The following CRPPA variants were observed in gnomAD, a reference collection of about 807,000 sequenced individuals.
CRPPA encodes the protein D-ribitol-5-phosphate cytidylyltransferase.
In CRPPA, 43 loss-of-function variants were observed where a neutral mutation model predicts 52.0. The ratio of observed to expected loss-of-function variants is 0.83; its 90% CI spans 0.65 to 1.07. The LOEUF is 1.07. Ranked by LOEUF, CRPPA falls within the 50% of genes least tolerant of loss-of-function variation. CRPPA has a pLI of 0.00. For synonymous variants in CRPPA, 250 were observed against 203.5 expected (o/e 1.23, Z -1.94); for missense variants, 629 against 551.7 (o/e 1.14, Z -1.40).
chr7:16,283,039 C>G (rs767560138), intron 5 of CRPPA, among the ~76,000 whole-genome samples: 10 of 151,952 alleles, frequency 6.6e-5, no homozygotes, highest in African/African-American at 1.2e-4. Flanking sequence ...TAGTGCACAT[C>G]AAACAAGATA....
chr7:16,124,392 A>G (rs1782536258), intron 9 of CRPPA, among the ~76,000 whole-genome samples: 1 of 152,174 alleles, frequency 6.6e-6, no homozygotes, highest in African/African-American at 2.4e-5. Flanking sequence ...ATGGGATACT[A>G]TTTAGCCATA....
At chr7:16,286,036 AAAATATAAATATATATATATAT>A (rs1784425552) in intron 5 of CRPPA, among the ~76,000 whole-genome samples, 2 of 18,814 alleles carry the variant, frequency 1.1e-4, no homozygotes, top group African/African-American at 7.8e-4. Flanking sequence ...AAAAAAAAAA[AAAATATAAATATATATATATAT>A]ATATATATAT....
intron 9 of CRPPA, among the ~76,000 whole-genome samples, chr7:16,143,018 G>A (rs1043809745): frequency 6.6e-5 from 10 of 152,158 alleles, no homozygotes; most frequent in African/African-American, 2.4e-4. Flanking sequence ...GCTCACAGTT[G>A]ACAATGTTGG....
intron 9 of CRPPA, among the ~76,000 whole-genome samples, chr7:16,162,552 T>G (rs1389407038): frequency 1.3e-5 from 2 of 152,222 alleles, no homozygotes; most frequent in South Asian, 4.1e-4. Flanking sequence ...TTGTTTGTTA[T>G]GATTTCCATT....
Position 16,376,190 on chromosome 7 carries a change from C to G in CRPPA, c.586G>C (p.Asp196His), listed in dbSNP as rs765655372. 1 of 1,613,418 alleles carries G rather than the reference C, an allele frequency of 6.2e-7. No homozygotes were observed. The highest frequency in any genetic ancestry group is 8.5e-7 in the Non-Finnish European group (1 of 1,179,618). ...TCTAGCGAGTAGTCTAAGCAACCAT[C>G]AGCAGATGGACTGACGACAGTAGAT... ...LVSTVVSPSADGCLDYSLERA... is the reference protein window; with the variant it reads ...LVSTVVSPSAHGCLDYSLERA... The change falls in exon 3 of 10, where the codon GAT (aspartate) becomes CAT (histidine). Residue 196 changes from aspartate to histidine, a missense_variant. Physicochemically the swap from Asp to His is moderately conservative, Grantham distance 81. Coordinates refer to ENST00000407010, the MANE Select transcript of CRPPA (RefSeq NM_001101426.4).
chr7:16,409,927 T>C (rs1050814176), intron 1 of CRPPA, among the ~76,000 whole-genome samples: 3 of 152,184 alleles, frequency 2.0e-5, no homozygotes, highest in Admixed American at 6.5e-5. Flanking sequence ...GGGTGCTCAG[T>C]ACATTATTTG....
At chr7:16,416,195 C>A (rs902776950) in intron 1 of CRPPA, among the ~76,000 whole-genome samples, 1 of 152,032 alleles carries the variant, frequency 6.6e-6, no homozygotes, top group Admixed American at 6.6e-5. Context: ...TATTGGTACA[C>A]AATAGACACA....
intron 8 of CRPPA, among the ~76,000 whole-genome samples, chr7:16,238,384 T>C (rs1489137215): frequency 1.3e-5 from 2 of 152,142 alleles, no homozygotes; most frequent in Non-Finnish European, 2.9e-5. Flanking sequence ...ATAGTATATA[T>C]AAAATAAGTT....
intron 9 of CRPPA, among the ~76,000 whole-genome samples, chr7:16,207,594 T>C (rs1457699575): frequency 6.6e-6 from 1 of 152,240 alleles, no homozygotes; most frequent in Non-Finnish European, 1.5e-5. Context: ...ATAAAACTGC[T>C]GCAAGCAGGA....
chr7:16,384,520 G>T (rs1245549384), intron 2 of CRPPA, among the ~76,000 whole-genome samples: 1 of 152,154 alleles, frequency 6.6e-6, no homozygotes, highest in African/African-American at 2.4e-5. Flanking sequence ...CAAAAATAAA[G>T]GTGAGCAATT....
In CRPPA at chr7:16,212,052, AT is replaced by A. The variant is rs564365320; in HGVS notation, c.1251+4013del. 5.4e-3 allele frequency among the ~76,000 whole-genome samples: 816 copies of A among 151,830 alleles called. 7 individuals are homozygous for A. Among genetic ancestry groups the A allele is most frequent in the Non-Finnish European group, 5.9e-3 (398 of 67,894 alleles). On this transcript the variant is annotated intron_variant, in intron 9 of 9. Transcript: ENST00000407010. ...AATAATTCTCACAAATCTTTTACAA[AT>A]TTTTTTTTAAAAAAACAAAAATGTA...
intron 3 of CRPPA, among the ~76,000 whole-genome samples, chr7:16,342,763 C>CAAAAAAAAAAAAAAAAAAA (rs368521163): frequency 7.7e-5 from 5 of 64,964 alleles, no homozygotes; most frequent in Admixed American, 1.8e-4. Context: ...CCTGTCTCCA[C>CAAAAAAAAAAAAAAAAAAA]AAAAAAAAAA....
intron 3 of CRPPA, among the ~76,000 whole-genome samples, chr7:16,367,623 T>C (rs1350130159): frequency 1.3e-5 from 2 of 152,180 alleles, no homozygotes; most frequent in Non-Finnish European, 2.9e-5. Flanking sequence ...ACTCAGTATT[T>C]AAAGCCCAAA....
intron 5 of CRPPA, among the ~76,000 whole-genome samples, chr7:16,278,891 C>T (rs1042668226): frequency 4.6e-5 from 7 of 152,200 alleles, no homozygotes; most frequent in Non-Finnish European, 1.0e-4. Context: ...TCCTCTATAG[C>T]AGGCAAATCA....
At chr7:16,312,462 T>C (rs1303316454) in intron 3 of CRPPA, among the ~76,000 whole-genome samples, 2 of 152,040 alleles carry the variant, frequency 1.3e-5, no homozygotes, top group African/African-American at 4.8e-5. Context: ...CCTCGTAGCC[T>C]GCAACTTTTC....
chr7:16,254,644 GA>G (rs1441848345), intron 8 of CRPPA, among the ~76,000 whole-genome samples: 4 of 151,730 alleles, frequency 2.6e-5, no homozygotes, highest in Non-Finnish European at 5.9e-5. Context: ...TGTAAACGAC[GA>G]GTTACTGGTT....
intron 9 of CRPPA, among the ~76,000 whole-genome samples, chr7:16,213,713 C>T (rs1465730031): frequency 1.3e-5 from 2 of 150,350 alleles, no homozygotes; most frequent in African/African-American, 2.5e-5. Context: ...TGTGCCATTG[C>T]GCTCCAGCCT....
rs886678301 is a variant in CRPPA at position 16,272,729 on chromosome 7, A to G, written c.933+5400T>C. On this transcript the variant is annotated intron_variant, in intron 6 of 9. Transcript: ENST00000407010. ...GACATTAGGTATTAGCCCTTTGTCAAACTTAAAAATCTCAGTCTTTTATCT... is the reference window on the plus strand; with the variant it reads ...GACATTAGGTATTAGCCCTTTGTCAGACTTAAAAATCTCAGTCTTTTATCT... Among the ~76,000 whole-genome samples, 3 of 152,180 alleles carry G rather than the reference A, an allele frequency of 2.0e-5. No homozygotes were observed. In the East Asian group the frequency reaches 5.8e-4, roughly 29 times the overall value.
At chr7:16,342,772 A>ATATATAT (rs372907234) in intron 3 of CRPPA, among the ~76,000 whole-genome samples, 1 of 36,732 alleles carries the variant, frequency 2.7e-5, no homozygotes, top group South Asian at 3.9e-4. Flanking sequence ...ACAAAAAAAA[A>ATATATAT]AAAAAAAAAA....
Sources: allele counts gnomAD v4.1 joint callset (sites outside exome capture counted in the v4.1 genomes callset), GRCh38; gene constraint gnomAD v4.1.1; transcripts MANE v1.5; gene names NCBI Gene and HGNC (gene_info 2026-07-23, HGNC 2026-07-21).